CFTR: variants seen among roughly 807,000 people sequenced by gnomAD.
CFTR encodes CF transmembrane conductance regulator.
CFTR carries 181 observed loss-of-function variants against 171.6 expected under a neutral mutation model. The observed-to-expected ratio is 1.05, with a 90% CI of 0.93 to 1.19. The LOEUF is 1.19. Ranked by LOEUF, CFTR falls within the 50% of genes most tolerant of loss-of-function variation. The probability of loss-of-function intolerance (pLI) is 0.00; values close to 1 mark genes in which losing one functional copy is unlikely to be tolerated. For synonymous variants in CFTR, 583 were observed against 608.0 expected, an observed-to-expected ratio of 0.96 and a Z score of 0.60; for missense variants, 1,968 against 1,734.7, an observed-to-expected ratio of 1.13 and a Z score of -2.39.
At chr7:117,584,945 T>G (rs1337442216) in intron 11 of CFTR, among the ~76,000 whole-genome samples, 1 of 151,628 alleles carries the variant, frequency 6.6e-6, no homozygotes, top group African/African-American at 2.4e-5. Context: ...TTTTGTTTTG[T>G]TTTGTTTTGT....
chr7:117,597,900 A>C (rs1280662089), intron 15 of CFTR, among the ~76,000 whole-genome samples: 1 of 152,186 alleles, frequency 6.6e-6, no homozygotes, highest in Non-Finnish European at 1.5e-5. Flanking sequence ...AGGTGCCTGA[A>C]GCAGTGGATG....
chr7:117,664,687 G>A lies in CFTR; in HGVS notation c.3964-1G>A. The A allele has an allele frequency of 6.2e-7, 1 of 1,613,758 alleles. No homozygotes were observed. Among genetic ancestry groups the A allele is most frequent in the Non-Finnish European group, 8.5e-7 (1 of 1,179,724 alleles). ...ATCTGAACTATCTTCTCTAACTGCAGGTTGGGCTCAGATCTGTGATAGAAC... is the reference window on the plus strand; with the variant it reads ...ATCTGAACTATCTTCTCTAACTGCAAGTTGGGCTCAGATCTGTGATAGAAC... On this transcript the variant is annotated splice_acceptor_variant, in intron 24 of 26. Coordinates refer to ENST00000003084, the MANE Select transcript of CFTR (RefSeq NM_000492.4). LOFTEE classifies it high-confidence loss of function.
At chr7:117,536,511 A>G (rs1370458201) in intron 6 of CFTR, 37 bp from the exon 7 acceptor site, 1 of 1,536,308 alleles carries the variant, frequency 6.5e-7, no homozygotes, top group Non-Finnish European at 8.8e-7. Context: ...TGTTTTTACT[A>G]TTAGATTGAT....
intron 11 of CFTR, among the ~76,000 whole-genome samples, chr7:117,586,732 G>A (rs891424639): frequency 6.6e-6 from 1 of 151,812 alleles, no homozygotes; most frequent in East Asian, 1.9e-4. Context: ...AGGAGGAGGT[G>A]GAAACGAATG....
At chr7:117,657,378 G>C (rs1341851467) in intron 24 of CFTR, among the ~76,000 whole-genome samples, 1 of 152,124 alleles carries the variant, frequency 6.6e-6, no homozygotes, top group Non-Finnish European at 1.5e-5. Context: ...TTAATGTCAT[G>C]AGTGCTTTGA....
At chr7:117,483,522 TA>T (rs892165755) in intron 1 of CFTR, among the ~76,000 whole-genome samples, 80 of 150,802 alleles carry the variant, frequency 5.3e-4, no homozygotes, top group African/African-American at 1.6e-3. Context: ...GTGTTTTCAT[TA>T]AAAAAAAATG....
chr7:117,493,209 C>A (rs1348026829), intron 1 of CFTR, among the ~76,000 whole-genome samples: 1 of 151,852 alleles, frequency 6.6e-6, no homozygotes, highest in African/African-American at 2.4e-5. Flanking sequence ...CTTTTAATGA[C>A]CTGATTGCAA....
At chr7:117,483,812 T>G (rs1798033161) in intron 1 of CFTR, among the ~76,000 whole-genome samples, 1 of 152,072 alleles carries the variant, frequency 6.6e-6, no homozygotes, top group South Asian at 2.1e-4. Context: ...TGGCCTCAAG[T>G]TATCCTCCCA....
chr7:117,640,003 A>G (rs1792886921), intron 22 of CFTR, among the ~76,000 whole-genome samples: 1 of 152,154 alleles, frequency 6.6e-6, no homozygotes, highest in Non-Finnish European at 1.5e-5. Flanking sequence ...TCATGGTACA[A>G]TGCAATTACA....
At chr7:117,618,097 A>G (rs189271523) in intron 21 of CFTR, among the ~76,000 whole-genome samples, 4 of 150,892 alleles carry the variant, frequency 2.7e-5, no homozygotes, top group Admixed American at 2.0e-4. Context: ...TTTTCTTTCT[A>G]CCTCTCTGGC....
chr7:117,664,611 C>T (rs1793337816), intron 24 of CFTR, 77 bp from the exon 25 acceptor site: 8 of 1,329,968 alleles, frequency 6.0e-6, no homozygotes, highest in Non-Finnish European at 2.2e-6. Context: ...TTCAGAACTC[C>T]TGTGTTTATT....
chr7:117,619,219 A>G (rs1428398049), intron 21 of CFTR, among the ~76,000 whole-genome samples: 1 of 152,214 alleles, frequency 6.6e-6, no homozygotes, highest in Non-Finnish European at 1.5e-5. Context: ...TTCCATTTTT[A>G]GTAACATAAG....
intron 1 of CFTR, among the ~76,000 whole-genome samples, chr7:117,501,776 CAAAAAAA>C (rs796991857): frequency 1.2e-5 from 1 of 84,338 alleles, no homozygotes; most frequent in African/African-American, 3.8e-5. Flanking sequence ...AAAAAAGAAA[CAAAAAAA>C]AAAAAAAAAC....
At position 117,630,642 on chromosome 7, in the gene CFTR, A is replaced by G. The variant is rs1283120124; in HGVS notation, c.3717+2872A>G. Among the ~76,000 whole-genome samples the G allele has an allele frequency of 2.6e-5, 4 of 152,312 alleles. No homozygotes were observed. In the South Asian group the frequency reaches 6.2e-4, roughly 24 times the overall value. ...TGAAGAGATCGGGCTTCTCCCCTGC[A>G]TAAGGTGCAAATTCCCCATGGCTCC... On this transcript the variant is annotated intron_variant, in intron 22 of 26. Coordinates refer to ENST00000003084, the MANE Select transcript of CFTR (RefSeq NM_000492.4).
At position 117,502,035 on chromosome 7, in the gene CFTR, T is replaced by C. The variant is rs139045985; in HGVS notation, c.54-2218T>C. ...GATGAGAGTATTTATATCATAGAAA[T>C]TGGCAAATGCCGTAAGTCAGTTTTT... On this transcript the variant is annotated intron_variant, in intron 1 of 26. Coordinates refer to ENST00000003084, the MANE Select transcript of CFTR (RefSeq NM_000492.4). Among the ~76,000 whole-genome samples, 226 of 152,322 alleles carry C rather than the reference T, an allele frequency of 1.5e-3. 1 individual carries two copies. Among genetic ancestry groups the C allele is most frequent in the African/African-American group, 5.3e-3 (221 of 41,588 alleles).
chr7:117,556,362 C>CATTAAT (rs1442043984), intron 10 of CFTR, among the ~76,000 whole-genome samples: 1 of 151,872 alleles, frequency 6.6e-6, no homozygotes, highest in African/African-American at 2.4e-5. Flanking sequence ...TGTGCACAGC[C>CATTAAT]ATTAATATTA....
At chr7:117,506,898 C>A (rs950326115) in intron 2 of CFTR, among the ~76,000 whole-genome samples, 1 of 151,940 alleles carries the variant, frequency 6.6e-6, no homozygotes, top group Non-Finnish European at 1.5e-5. Context: ...AGTGACATAC[C>A]ATTTTTGGTA....
At chr7:117,637,301 G>A (rs1792841313) in intron 22 of CFTR, among the ~76,000 whole-genome samples, 1 of 151,272 alleles carries the variant, frequency 6.6e-6, no homozygotes. Context: ...AAAAGGAACT[G>A]TAGTAAATAG....
intron 11 of CFTR, among the ~76,000 whole-genome samples, chr7:117,567,152 C>T (rs906180753): frequency 2.6e-5 from 4 of 152,172 alleles, no homozygotes; most frequent in Non-Finnish European, 5.9e-5. Context: ...CATATATATG[C>T]CCGATGTTTC....
Sources: gnomAD v4.1 joint callset for allele counts (sites outside exome capture counted in the v4.1 genomes callset) on GRCh38, gnomAD v4.1.1 for gene constraint, MANE v1.5 for transcripts, NCBI Gene and HGNC (gene_info 2026-07-23, HGNC 2026-07-21) for gene names.